OPHN1: variants seen among roughly 807,000 people sequenced by gnomAD.
OPHN1 encodes the protein oligophrenin-1.
Under a neutral mutation model 60.7 loss-of-function variants are expected in OPHN1, and 11 were observed. The observed-to-expected ratio is 0.18, with a 90% CI of 0.11 to 0.30. The LOEUF (loss-of-function observed/expected upper bound fraction) is 0.30. OPHN1 is among the 10% of genes least tolerant of loss of function. The pLI, the probability that OPHN1 is intolerant of heterozygous loss-of-function variation, is 1.00. For synonymous variants in OPHN1, 226 were observed against 222.6 expected, an observed-to-expected ratio of 1.02 and a Z score of -0.14; for missense variants, 449 against 611.0, an observed-to-expected ratio of 0.73 and a Z score of 2.80.
chrX:68,350,466 TCCTTCCTCCCTC>T (rs2078403134), intron 2 of OPHN1, among the ~76,000 whole-genome samples: 2 of 68,622 alleles, frequency 2.9e-5, no homozygotes, highest in African/African-American at 1.5e-4. Flanking sequence ...CTTCCTTCCT[TCCTTCCTCCCTC>T]CCTCCCTTCC....
chrX:68,290,420 G>A (rs1327644876), intron 3 of OPHN1, among the ~76,000 whole-genome samples: 1 of 110,758 alleles, frequency 9.0e-6, no homozygotes, highest in Non-Finnish European at 1.9e-5. Flanking sequence ...CCAACATGGT[G>A]AAACCCCATC....
intron 2 of OPHN1, among the ~76,000 whole-genome samples, chrX:68,432,536 G>A (rs187044100): frequency 2.7e-3 from 297 of 111,606 alleles, no homozygotes; most frequent in Non-Finnish European, 4.9e-3. Flanking sequence ...CCCCAGACAG[G>A]GGTGCTGAAT....
intron 19 of OPHN1, among the ~76,000 whole-genome samples, chrX:68,087,633 A>G (rs942239320): frequency 8.9e-6 from 1 of 112,091 alleles, no homozygotes; most frequent in Non-Finnish European, 1.9e-5. Flanking sequence ...AACTATCCAG[A>G]TTCTTTCCAG....
At chrX:68,233,833 C>A (rs2077739715) in intron 6 of OPHN1, among the ~76,000 whole-genome samples, 1 of 111,480 alleles carries the variant, frequency 9.0e-6, no homozygotes, top group African/African-American at 3.3e-5. Context: ...CCACTCCCAA[C>A]AAAAGCACCA....
intron 2 of OPHN1, among the ~76,000 whole-genome samples, chrX:68,301,979 C>T (rs2078123264): frequency 8.9e-6 from 1 of 112,434 alleles, no homozygotes; most frequent in Non-Finnish European, 1.9e-5. Context: ...AAAATAGAAT[C>T]ATATAAAATA....
chrX:68,260,231 G>A (rs752683663), intron 5 of OPHN1, among the ~76,000 whole-genome samples: 1 of 107,602 alleles, frequency 9.3e-6, no homozygotes, highest in South Asian at 4.1e-4. Flanking sequence ...ACCTGTTTTT[G>A]CACTTTATAG....
chrX:68,200,186 T>C (rs2077528798), intron 11 of OPHN1, among the ~76,000 whole-genome samples: 1 of 110,504 alleles, frequency 9.0e-6, no homozygotes, highest in African/African-American at 3.3e-5. Context: ...ACTGGTAAAA[T>C]GGGGGGGGTG....
chrX:68,265,402 G>A (rs12008857), intron 5 of OPHN1, among the ~76,000 whole-genome samples: 2,598 of 111,777 alleles, frequency 0.023, 71 homozygotes, highest in African/African-American at 0.08. Flanking sequence ...CTCTGCTGCC[G>A]AAACCAGGCA....
intron 15 of OPHN1, among the ~76,000 whole-genome samples, chrX:68,144,201 T>A (rs1056868362): frequency 9.1e-6 from 1 of 110,200 alleles, no homozygotes; most frequent in Non-Finnish European, 1.9e-5. Context: ...TTAATTTTTT[T>A]ATTTTTTTGG....
At chrX:68,397,164 G>A (rs2078689114) in intron 2 of OPHN1, among the ~76,000 whole-genome samples, 1 of 112,195 alleles carries the variant, frequency 8.9e-6, no homozygotes, top group South Asian at 3.7e-4. Context: ...GCCTGTAATG[G>A]AAGTTCTATT....
At chrX:68,399,458 C>T (rs1161811176) in intron 2 of OPHN1, among the ~76,000 whole-genome samples, 1 of 111,594 alleles carries the variant, frequency 9.0e-6, no homozygotes, top group Non-Finnish European at 1.9e-5. Context: ...CAAGACCAGC[C>T]TGGCCAACAT....
At chrX:68,164,896 T>C (rs1174382566) in intron 15 of OPHN1, among the ~76,000 whole-genome samples, 1 of 112,550 alleles carries the variant, frequency 8.9e-6, no homozygotes, top group Non-Finnish European at 1.9e-5. Flanking sequence ...AACATGCATC[T>C]ACATTAGCAC....
intron 15 of OPHN1, among the ~76,000 whole-genome samples, chrX:68,119,814 T>G (rs1430333552): frequency 3.6e-5 from 4 of 111,484 alleles, no homozygotes; most frequent in African/African-American, 1.3e-4. Flanking sequence ...GCTCCCAAAC[T>G]TTTGTGAGTT....
intron 15 of OPHN1, among the ~76,000 whole-genome samples, chrX:68,162,156 A>G (rs1482428780): frequency 9.0e-6 from 1 of 110,848 alleles, no homozygotes; most frequent in African/African-American, 3.3e-5. Context: ...ACCTATAAAA[A>G]GAAAAACAAG....
chrX:68,286,821 G>C (rs1569269274), intron 3 of OPHN1, among the ~76,000 whole-genome samples: 1 of 110,461 alleles, frequency 9.1e-6, no homozygotes, highest in Non-Finnish European at 1.9e-5. Context: ...TTTGAGACCA[G>C]CCTGGCCAAC....
chrX:68,243,413 A>C (rs1050884519), intron 5 of OPHN1, among the ~76,000 whole-genome samples: 1 of 111,546 alleles, frequency 9.0e-6, no homozygotes, highest in African/African-American at 3.3e-5. Context: ...TTTGACCTGG[A>C]GTCTCGTTCT....
chrX:68,225,356 C>T (rs1303660387), intron 6 of OPHN1, among the ~76,000 whole-genome samples: 1 of 111,858 alleles, frequency 8.9e-6, no homozygotes, highest in East Asian at 2.8e-4. Context: ...CCCTGTCTCA[C>T]AGCTTTCAAG....
chrX:68,302,461 C>T (rs1344371237), intron 2 of OPHN1, among the ~76,000 whole-genome samples: 1 of 109,379 alleles, frequency 9.1e-6, no homozygotes, highest in Non-Finnish European at 1.9e-5. Context: ...TGGTGGCATG[C>T]ACCTGTAGTC....
At chrX:68,064,940 A>C (rs1241019279) in intron 20 of OPHN1, among the ~76,000 whole-genome samples, 1 of 111,421 alleles carries the variant, frequency 9.0e-6, no homozygotes, top group Non-Finnish European at 1.9e-5. Context: ...CAGAGGTTCC[A>C]ATGAGAACAC....
Sources: gnomAD v4.1 joint callset for allele counts (sites outside exome capture counted in the v4.1 genomes callset) on GRCh38, gnomAD v4.1.1 for gene constraint, MANE v1.5 for transcripts, NCBI Gene and HGNC (gene_info 2026-07-23, HGNC 2026-07-21) for gene names.